Variants in ESF1 observed in about 807,000 individuals in gnomAD.
The protein encoded by ESF1 is ESF1 homolog.
A neutral mutation model predicts 92.0 loss-of-function variants in ESF1; 58 were observed. The observed-to-expected ratio is 0.63, with a 90% CI of 0.51 to 0.78. The LOEUF (loss-of-function observed/expected upper bound fraction) is 0.78. ESF1 is among the 30% of genes least tolerant of loss of function. The pLI is 0.00. For synonymous variants in ESF1, 321 were observed against 313.7 expected, an observed-to-expected ratio of 1.02 and a Z score of -0.24; for missense variants, 922 against 989.1, an observed-to-expected ratio of 0.93 and a Z score of 0.91.
At chr20:13,741,773 A>C (rs1839291653) in intron 9 of ESF1, among the ~76,000 whole-genome samples, 1 of 152,246 alleles carries the variant, frequency 6.6e-6, no homozygotes. Flanking sequence ...TAAATCTGAC[A>C]ATATTAAAAT....
rs141772493 is a variant in ESF1, at chr20:13,715,514, G to A, written c.2263-347C>T. ...GAGGCAGGGCTTTCCCATGCTTACA[G>A]CACAAAATCAATTTCTTACCAGCAT... On this transcript the variant is annotated intron_variant, in intron 13 of 13. Coordinates refer to ENST00000617257, the MANE Select transcript of ESF1 (RefSeq NM_001276380.2). Among the ~76,000 whole-genome samples, 417 of 152,240 alleles carry A rather than the reference G, an allele frequency of 2.7e-3. 3 individuals are homozygous for A. Among genetic ancestry groups the A allele is most frequent in the African/African-American group, 9.6e-3 (398 of 41,546 alleles).
intron 9 of ESF1, among the ~76,000 whole-genome samples, chr20:13,755,704 T>G (rs1205548931): frequency 6.6e-6 from 1 of 152,218 alleles, no homozygotes; most frequent in African/African-American, 2.4e-5. Flanking sequence ...TTATTACATT[T>G]CCATAGGAAC....
chr20:13,775,253 T>C lies in ESF1; in HGVS notation c.1053A>G (p.Ala351=). 1 of 1,604,874 alleles carries C rather than the reference T, an allele frequency of 6.2e-7. No individual in the cohort carries two copies. Among genetic ancestry groups the C allele is most frequent in the Non-Finnish European group, 8.5e-7 (1 of 1,175,718 alleles). Reference sequence around the variant, plus strand: ...ATCTATCCCAGTCCATGTTACAAACTGCTAATCGACGTGTAATCTGAGAAA... The same window carrying C: ...ATCTATCCCAGTCCATGTTACAAACCGCTAATCGACGTGTAATCTGAGAAA... ...PRADEITRRL[A]VCNMDWDRLK... is the part of the protein sequence containing the mutation. The change falls in exon 4 of 14, where the codon GCA becomes GCG. Residue 351 remains alanine, a synonymous_variant. Coordinates refer to ENST00000617257, the MANE Select transcript of ESF1 (RefSeq NM_001276380.2).
chr20:13,725,578 A>G (rs370547239), intron 11 of ESF1, among the ~76,000 whole-genome samples: 5 of 151,906 alleles, frequency 3.3e-5, no homozygotes, highest in Admixed American at 1.3e-4. Context: ...TGTTCCTCCT[A>G]TTTCCCAGCC....
At position 13,768,860 on chromosome 20, in the gene ESF1, G is replaced by GCACTCCA. The variant is rs1979550329; in HGVS notation, c.1518+1040_1518+1046dup. 2.0e-4 allele frequency among the ~76,000 whole-genome samples: 27 copies of GCACTCCA among 138,216 alleles called. No individual in the cohort carries two copies. In the South Asian group the frequency reaches 6.2e-3, roughly 32 times the overall value. 90.7% of individuals were successfully genotyped at this position (138,216 alleles called of 152,430 possible). On this transcript the variant is annotated intron_variant, in intron 7 of 13. Coordinates refer to ENST00000617257, the MANE Select transcript of ESF1 (RefSeq NM_001276380.2). ...TGCAGTGAGCAGAGATCGCGCCACTGCACTCCAGCCTGGGCGACAGAGCAA... is the reference window on the plus strand; with the variant it reads ...TGCAGTGAGCAGAGATCGCGCCACTGCACTCCACACTCCAGCCTGGGCGACAGAGCAA...
In ESF1 at chr20:13,759,673, T is replaced by C. The variant is rs1979063014; in HGVS notation, c.1828+19A>G. 6.4e-7 allele frequency: 1 copy of C among 1,568,560 alleles called. No homozygotes were observed. The highest frequency in any genetic ancestry group is 8.6e-7 in the Non-Finnish European group (1 of 1,169,120). ...GCTGAAATTCGAAAAAGAGAAAACA[T>C]TTAGTATCTAATTCTTACCTGGAAC... On this transcript the variant is annotated intron_variant, in intron 9 of 13. Transcript: ENST00000617257.
intron 9 of ESF1, among the ~76,000 whole-genome samples, chr20:13,754,057 ACTTT>A (rs1978764218): frequency 6.6e-6 from 1 of 152,156 alleles, no homozygotes; most frequent in Non-Finnish European, 1.5e-5. Context: ...GGTGCTTGCA[ACTTT>A]CTATCAAATA....
chr20:13,755,698 T>C (rs1978861895), intron 9 of ESF1, among the ~76,000 whole-genome samples: 1 of 152,204 alleles, frequency 6.6e-6, no homozygotes, highest in South Asian at 2.1e-4. Context: ...ATTGTATTAT[T>C]ACATTTCCAT....
Position 13,717,250 on chromosome 20 carries a change from G to A in ESF1, c.2262+118C>T, listed in dbSNP as rs1218983973. The A allele has an allele frequency of 2.7e-5, 33 of 1,240,700 alleles. No individual in the cohort carries two copies. The East Asian group carries it at 3.9e-4, about 15-fold the overall frequency. The allele number at this position is 1,240,700 out of a possible 1,614,324, so 76.9% of individuals were successfully genotyped here. The stretch of plus-strand genomic sequence containing the variant: ...GTTGGGATTATAGGCGTGAGCCACT[G>A]CACCGGGCCCCTAAGACATTTTCAA... On this transcript the variant is annotated intron_variant, in intron 13 of 13. Coordinates refer to ENST00000617257, the MANE Select transcript of ESF1 (RefSeq NM_001276380.2).
chr20:13,768,270 G>A (rs1283128894), intron 7 of ESF1, among the ~76,000 whole-genome samples: 1 of 152,182 alleles, frequency 6.6e-6, no homozygotes, highest in African/African-American at 2.4e-5. Context: ...GAAAAGCAGA[G>A]GGAAGCTAGT....
chr20:13,717,238 G>A (rs2049835144), intron 13 of ESF1, 130 bp downstream of exon 13: 1 of 1,104,942 alleles, frequency 9.1e-7, no homozygotes, highest in Admixed American at 2.2e-5. Flanking sequence ...GGGATTATAG[G>A]CGTGAGCCAC....
chr20:13,769,815 C>A (rs977523860), intron 7 of ESF1, 92 bp downstream of exon 7: 1 of 869,320 alleles, frequency 1.2e-6, no homozygotes. Flanking sequence ...AAAATTAATA[C>A]TTTCCATTTT....
intron 6 of ESF1, among the ~76,000 whole-genome samples, chr20:13,770,917 A>G (rs1979653790): frequency 6.6e-6 from 1 of 152,198 alleles, no homozygotes; most frequent in Non-Finnish European, 1.5e-5. Flanking sequence ...AATTTTAACT[A>G]AAATAACCAA....
intron 7 of ESF1, among the ~76,000 whole-genome samples, chr20:13,768,852 G>A (rs1185140170): frequency 7.0e-5 from 10 of 143,406 alleles, no homozygotes; most frequent in Non-Finnish European, 1.2e-4. Flanking sequence ...AGCAGAGATC[G>A]CGCCACTGCA....
rs778637606 is a variant in ESF1, at chr20:13,782,585, T to C, written c.556A>G (p.Arg186Gly). 1.3e-6 allele frequency: 2 copies of C among 1,593,878 alleles called. No homozygotes were observed. The highest frequency in any genetic ancestry group is 3.7e-5 in the Admixed American group (2 of 54,460). Residue 186 changes from arginine (R) to glycine (G), a missense_variant, in exon 2 of 14, where the codon AGG (arginine) becomes GGG (glycine). Coordinates refer to ENST00000617257, the MANE Select transcript of ESF1 (RefSeq NM_001276380.2). Reference sequence around the variant, plus strand: ...TCAGAGGTGCCTGAGTCTAATGTCCTTTGTTTTTCTTCGAGAGAAGAGTCT... The same window carrying C: ...TCAGAGGTGCCTGAGTCTAATGTCCCTTGTTTTTCTTCGAGAGAAGAGTCT... Reference protein sequence around the residue: ...TTDSSLEEKQRTLDSGTSEIV... With the variant: ...TTDSSLEEKQGTLDSGTSEIV...
chr20:13,760,368 G>A (rs1045442488), intron 8 of ESF1, among the ~76,000 whole-genome samples: 11 of 150,402 alleles, frequency 7.3e-5, no homozygotes, highest in Admixed American at 4.6e-4. Flanking sequence ...CTGCCCGGCC[G>A]CCCATCGTCT....
chr20:13,771,936 G>A (rs559503528), intron 5 of ESF1, among the ~76,000 whole-genome samples: 5 of 125,078 alleles, frequency 4.0e-5, no homozygotes, highest in Non-Finnish European at 6.6e-5. Flanking sequence ...TTTTTTTAAG[G>A]TTCCACACAA....
chr20:13,752,165 C>T (rs1356247246), intron 9 of ESF1, among the ~76,000 whole-genome samples: 2 of 152,136 alleles, frequency 1.3e-5, no homozygotes, highest in African/African-American at 4.8e-5. Context: ...ATTTTTATTA[C>T]ACATTTCAAA....
intron 9 of ESF1, among the ~76,000 whole-genome samples, chr20:13,740,925 TAA>T (rs879815044): frequency 1.5e-4 from 23 of 152,272 alleles, no homozygotes; most frequent in South Asian, 4.2e-4. Flanking sequence ...AGAAAGAGGC[TAA>T]GACGGGGACT....
Sources: gnomAD v4.1 joint callset for allele counts (sites outside exome capture counted in the v4.1 genomes callset) on GRCh38, gnomAD v4.1.1 for gene constraint, MANE v1.5 for transcripts, NCBI Gene and HGNC (gene_info 2026-07-23, HGNC 2026-07-21) for gene names.